Variants in CRPPA observed in about 807,000 individuals in gnomAD.
CRPPA encodes D-ribitol-5-phosphate cytidylyltransferase.
A neutral mutation model predicts 52.0 loss-of-function variants in CRPPA; 43 were observed. The ratio of observed to expected loss-of-function variants is 0.83; its 90% CI spans 0.65 to 1.07. The LOEUF (loss-of-function observed/expected upper bound fraction) is 1.07, where lower values mean the gene tolerates loss of function less well. Among genes scored for constraint, CRPPA ranks in the 50% least tolerant of loss-of-function variants. The pLI is 0.00. For missense variants in CRPPA, 629 were observed against 551.7 expected, an observed-to-expected ratio of 1.14 and a Z score of -1.40; for synonymous variants, 250 against 203.5, an observed-to-expected ratio of 1.23 and a Z score of -1.94.
intron 2 of CRPPA, among the ~76,000 whole-genome samples, chr7:16,383,816 C>A (rs1284764197): frequency 6.6e-6 from 1 of 152,238 alleles, no homozygotes; most frequent in Non-Finnish European, 1.5e-5. Context: ...GGGATATAAT[C>A]TCCTGGTGTG....
intron 6 of CRPPA, among the ~76,000 whole-genome samples, chr7:16,268,064 C>A (rs908429056): frequency 2.0e-5 from 3 of 151,922 alleles, no homozygotes; most frequent in Non-Finnish European, 4.4e-5. Flanking sequence ...TGAGGGACAA[C>A]TGTATATAGA....
chr7:16,399,275 TAC>T (rs760551135), intron 2 of CRPPA, among the ~76,000 whole-genome samples: 2 of 151,960 alleles, frequency 1.3e-5, no homozygotes, highest in Non-Finnish European at 2.9e-5. Flanking sequence ...ACTGACACGA[TAC>T]ACATACGATT....
intron 9 of CRPPA, among the ~76,000 whole-genome samples, chr7:16,197,887 T>C (rs1050318961): frequency 6.7e-6 from 1 of 149,954 alleles, no homozygotes; most frequent in Non-Finnish European, 1.5e-5. Context: ...GTGTGCTGTG[T>C]CAACTCAGAG....
intron 3 of CRPPA, among the ~76,000 whole-genome samples, chr7:16,358,196 C>T (rs1786354173): frequency 6.6e-6 from 1 of 152,128 alleles, no homozygotes; most frequent in South Asian, 2.1e-4. Context: ...GTGCCACACA[C>T]ATGGCCATGG....
chr7:16,124,156 C>T (rs1295405253), intron 9 of CRPPA, among the ~76,000 whole-genome samples: 1 of 139,952 alleles, frequency 7.1e-6, no homozygotes, highest in Admixed American at 7.6e-5. Flanking sequence ...TCCATAATGG[C>T]TGTACCAATT....
At chr7:16,135,413 G>A (rs1782745909) in intron 9 of CRPPA, among the ~76,000 whole-genome samples, 2 of 152,130 alleles carry the variant, frequency 1.3e-5, no homozygotes, top group South Asian at 2.1e-4. Context: ...TTTTGTGAAA[G>A]TTTCTTCAAC....
chr7:16,222,731 CT>C lies in CRPPA; in HGVS notation c.1120-6535del, dbSNP rs370971618. 5.9e-4 allele frequency among the ~76,000 whole-genome samples: 90 copies of C among 152,132 alleles called. 1 individual carries two copies. The highest frequency in any genetic ancestry group is 2.1e-3 in the African/African-American group (86 of 41,514). On this transcript the variant is annotated intron_variant, in intron 8 of 9. Transcript: ENST00000407010. The stretch of plus-strand genomic sequence containing the variant: ...ATAATTATTTCTTAAACTAAGAGGG[CT>C]TTTATAGAGACTATTTTTAAGCAGT...
At chr7:16,201,022 A>G (rs951096583) in intron 9 of CRPPA, among the ~76,000 whole-genome samples, 1 of 152,182 alleles carries the variant, frequency 6.6e-6, no homozygotes, top group Non-Finnish European at 1.5e-5. Flanking sequence ...AAATTGCAAC[A>G]CACATATGAA....
At chr7:16,193,324 A>G (rs1453043912) in intron 9 of CRPPA, among the ~76,000 whole-genome samples, 1 of 151,868 alleles carries the variant, frequency 6.6e-6, no homozygotes, top group Non-Finnish European at 1.5e-5. Flanking sequence ...TTAATTTCCA[A>G]TATTTGTTTG....
intron 3 of CRPPA, among the ~76,000 whole-genome samples, chr7:16,354,918 T>C (rs1013665617): frequency 3.3e-5 from 5 of 152,102 alleles, no homozygotes; most frequent in Non-Finnish European, 5.9e-5. Context: ...ACCAGAAAGA[T>C]GAAAACCACA....
chr7:16,170,837 A>G (rs1195576793), intron 9 of CRPPA, among the ~76,000 whole-genome samples: 1 of 152,146 alleles, frequency 6.6e-6, no homozygotes, highest in African/African-American at 2.4e-5. Flanking sequence ...TAAGCCCCTC[A>G]TTGCGCAGCG....
At chr7:16,395,953 G>A (rs144049569) in intron 2 of CRPPA, among the ~76,000 whole-genome samples, 137 of 152,280 alleles carry the variant, frequency 9.0e-4, no homozygotes, top group African/African-American at 3.1e-3. Context: ...AATAGATCAA[G>A]TTCCACCTCA....
At chr7:16,151,734 T>C (rs1783079507) in intron 9 of CRPPA, among the ~76,000 whole-genome samples, 1 of 152,096 alleles carries the variant, frequency 6.6e-6, no homozygotes, top group Non-Finnish European at 1.5e-5. Flanking sequence ...ACTGATCTTC[T>C]AGTTTACCAT....
intron 8 of CRPPA, among the ~76,000 whole-genome samples, chr7:16,227,721 C>T (rs1248833716): frequency 1.3e-5 from 2 of 151,714 alleles, no homozygotes; most frequent in Non-Finnish European, 3.0e-5. Context: ...CATTTTTCCT[C>T]AGCTGTGCAG....
chr7:16,376,684 G>C (rs1356554282), intron 2 of CRPPA, among the ~76,000 whole-genome samples: 1 of 152,166 alleles, frequency 6.6e-6, no homozygotes, highest in Non-Finnish European at 1.5e-5. Flanking sequence ...CCCTAGATGA[G>C]ACTCAATAAC....
At position 16,329,139 on chromosome 7, in the gene CRPPA, A is replaced by G. The variant is rs191436115; in HGVS notation, c.685-20512T>C. Reference sequence around the variant, plus strand: ...AAAACTTGGGGATTTTTCCATAGGCAATTTTAGTTACAGATTATATCCAAG... The same window carrying G: ...AAAACTTGGGGATTTTTCCATAGGCGATTTTAGTTACAGATTATATCCAAG... On this transcript the variant is annotated intron_variant, in intron 3 of 9. Coordinates refer to ENST00000407010, the MANE Select transcript of CRPPA (RefSeq NM_001101426.4). 5.2e-3 allele frequency among the ~76,000 whole-genome samples: 791 copies of G among 150,712 alleles called. 8 individuals are homozygous for G. Among genetic ancestry groups the G allele is most frequent in the African/African-American group, 0.019 (769 of 41,434 alleles).
chr7:16,408,573 G>A (rs1189098812), intron 1 of CRPPA, among the ~76,000 whole-genome samples: 1 of 152,170 alleles, frequency 6.6e-6, no homozygotes, highest in Non-Finnish European at 1.5e-5. Context: ...GCTTTAAGCA[G>A]GTGAGTGCAG....
At chr7:16,366,314 A>G (rs190777653) in intron 3 of CRPPA, among the ~76,000 whole-genome samples, 172 of 152,310 alleles carry the variant, frequency 1.1e-3, no homozygotes, top group African/African-American at 3.9e-3. Flanking sequence ...GACCATAGCA[A>G]TAAGTAACAC....
chr7:16,262,577 A>G, intron 6 of CRPPA, among the ~76,000 whole-genome samples: 1 of 152,296 alleles, frequency 6.6e-6, no homozygotes, highest in East Asian at 1.9e-4. Context: ...ATAATTTTTT[A>G]AGTACAAATT....
Sources: gnomAD v4.1 joint callset for allele counts (sites outside exome capture counted in the v4.1 genomes callset) on GRCh38, gnomAD v4.1.1 for gene constraint, MANE v1.5 for transcripts, NCBI Gene and HGNC (gene_info 2026-07-23, HGNC 2026-07-21) for gene names.